The following RGS5 variants were observed in gnomAD, a reference collection of about 807,000 sequenced individuals.
RGS5 encodes regulator of G-protein signalling 5.
In RGS5, 20 loss-of-function variants were observed where a neutral mutation model predicts 18.9. That is an observed-to-expected ratio of 1.06 (90% CI 0.74 to 1.54). The LOEUF (loss-of-function observed/expected upper bound fraction) is 1.54. Among genes scored for constraint, RGS5 ranks in the 40% most tolerant of loss-of-function variants. RGS5 has a pLI of 0.00. For synonymous variants in RGS5, 57 were observed against 76.2 expected, an observed-to-expected ratio of 0.75 and a Z score of 1.31; for missense variants, 201 against 211.8, an observed-to-expected ratio of 0.95 and a Z score of 0.32.
At chr1:163,191,757 T>C (rs1045315548) in intron 1 of RGS5, among the ~76,000 whole-genome samples, 5 of 152,192 alleles carry the variant, frequency 3.3e-5, no homozygotes, top group Non-Finnish European at 5.9e-5. Context: ...GACCACGTTT[T>C]GCTCTAATGA....
Position 163,252,564 on chromosome 1 carries a change from G to T in RGS5, c.-281+53669C>A, listed in dbSNP as rs892208463. ...CTTGAAAATGTTCTAGAAAGTTCTT[G>T]ACTTTTACTCCCAACATCAAGTGTT... On this transcript the variant is annotated intron_variant, in intron 2 of 5. Coordinates refer to the RGS5 transcript ENST00000618415. Among the ~76,000 whole-genome samples, 9 of 152,200 alleles carry T rather than the reference G, an allele frequency of 5.9e-5. No homozygotes were observed. The East Asian group carries it at 1.7e-3, about 29-fold the overall frequency.
chr1:163,233,414 T>A (rs910327916), intron 2 of RGS5, among the ~76,000 whole-genome samples: 2 of 152,250 alleles, frequency 1.3e-5, no homozygotes, highest in Non-Finnish European at 2.9e-5. Context: ...AGCTTTCCCA[T>A]TCATTGAGGA....
At chr1:163,264,048 A>G (rs1185175381) in intron 2 of RGS5, among the ~76,000 whole-genome samples, 1 of 151,922 alleles carries the variant, frequency 6.6e-6, no homozygotes, top group Admixed American at 6.6e-5. Flanking sequence ...TTTGGCACAA[A>G]CTGGGGGAAA....
chr1:163,173,875 A>G (rs1571239712), intron 1 of RGS5, among the ~76,000 whole-genome samples: 1 of 152,108 alleles, frequency 6.6e-6, no homozygotes, highest in Admixed American at 6.6e-5. Context: ...CGCATTCAAG[A>G]CCAGCCTGGC....
intron 3 of RGS5, among the ~76,000 whole-genome samples, chr1:163,155,903 T>A (rs1657562028): frequency 6.6e-6 from 1 of 152,166 alleles, no homozygotes; most frequent in Admixed American, 6.5e-5. Context: ...CACTCCAGGT[T>A]GTAATCTACA....
intron 2 of RGS5, among the ~76,000 whole-genome samples, chr1:163,259,253 G>A (rs111513723): frequency 1.1e-4 from 17 of 151,978 alleles, no homozygotes; most frequent in African/African-American, 4.1e-4. Flanking sequence ...CCGGGTTCAT[G>A]CCATTCTCCT....
intron 1 of RGS5, among the ~76,000 whole-genome samples, chr1:163,201,147 C>T (rs939223124): frequency 1.3e-5 from 2 of 152,144 alleles, no homozygotes; most frequent in Non-Finnish European, 1.5e-5. Context: ...TTATTCACTA[C>T]ATAAGAGTAC....
At chr1:163,202,299 C>T (rs1165971560) in intron 1 of RGS5, among the ~76,000 whole-genome samples, 4 of 152,094 alleles carry the variant, frequency 2.6e-5, no homozygotes. Context: ...GTTCTGAGTG[C>T]TTCATATATA....
intron 2 of RGS5, among the ~76,000 whole-genome samples, chr1:163,277,786 A>C (rs1302736559): frequency 6.6e-6 from 1 of 152,186 alleles, no homozygotes; most frequent in East Asian, 1.9e-4. Flanking sequence ...CAAGGAAACA[A>C]TTCATGATCC....
chr1:163,169,792 ATTAT>A (rs1364400965), intron 1 of RGS5, among the ~76,000 whole-genome samples: 2 of 152,082 alleles, frequency 1.3e-5, no homozygotes, highest in African/African-American at 4.8e-5. Flanking sequence ...ATTCCACTTG[ATTAT>A]TTATTTCTCT....
intron 2 of RGS5, chr1:163,238,987 A>T (rs1647712167): frequency 4.6e-6 from 1 of 217,700 alleles, no homozygotes; most frequent in Admixed American, 4.4e-5. Context: ...AGACTTCATT[A>T]TAGGTTCCAG....
intron 2 of RGS5, among the ~76,000 whole-genome samples, chr1:163,292,920 C>T (rs1323605102): frequency 6.6e-6 from 1 of 152,056 alleles, no homozygotes; most frequent in Non-Finnish European, 1.5e-5. Context: ...GATATTAGAC[C>T]TTTGTCGAAT....
Position 163,279,218 on chromosome 1 carries a change from C to T in RGS5, c.-281+27015G>A, listed in dbSNP as rs574805289. Reference sequence around the variant, plus strand: ...CTCTTCCTCCAACAGCTGCAGAATACACATCCTTCTCATCAGCACATGGAA... The same window carrying T: ...CTCTTCCTCCAACAGCTGCAGAATATACATCCTTCTCATCAGCACATGGAA... On this transcript the variant is annotated intron_variant, in intron 2 of 5. Transcript: ENST00000618415. Among the ~76,000 whole-genome samples, 333 of 152,176 alleles carry T rather than the reference C, an allele frequency of 2.2e-3. 1 individual carries two copies. Among genetic ancestry groups the T allele is most frequent in the African/African-American group, 7.9e-3 (327 of 41,560 alleles).
chr1:163,158,537 G>T (rs1403847736), intron 3 of RGS5, among the ~76,000 whole-genome samples: 1 of 152,144 alleles, frequency 6.6e-6, no homozygotes, highest in Admixed American at 6.5e-5. Context: ...GTCCAGGGGA[G>T]ACATCACTTG....
At chr1:163,249,608 T>C (rs930626742) in intron 2 of RGS5, among the ~76,000 whole-genome samples, 4 of 152,204 alleles carry the variant, frequency 2.6e-5, no homozygotes, top group African/African-American at 9.6e-5. Context: ...GTGGCCAGCA[T>C]GGCGAAACCC....
intron 3 of RGS5, among the ~76,000 whole-genome samples, chr1:163,157,892 G>T (rs1657651723): frequency 6.6e-6 from 1 of 151,964 alleles, no homozygotes; most frequent in Non-Finnish European, 1.5e-5. Context: ...TGCCCAGACT[G>T]GTCTTGAACT....
At chr1:163,195,054 G>C (rs1571274688) in intron 1 of RGS5, among the ~76,000 whole-genome samples, 1 of 152,098 alleles carries the variant, frequency 6.6e-6, no homozygotes, top group African/African-American at 2.4e-5. Context: ...ACTAAAAGTA[G>C]AACTACCATT....
At chr1:163,155,806 C>T (rs547600035) in intron 3 of RGS5, among the ~76,000 whole-genome samples, 2 of 152,216 alleles carry the variant, frequency 1.3e-5, no homozygotes, top group East Asian at 1.9e-4. Context: ...CTGCACAGAG[C>T]GTCGGAGTAC....
intron 2 of RGS5, among the ~76,000 whole-genome samples, chr1:163,243,126 T>C (rs1476253073): frequency 6.6e-6 from 1 of 152,038 alleles, no homozygotes; most frequent in Non-Finnish European, 1.5e-5. Context: ...AATGAATGAG[T>C]TCATGTCCTT....
Sources: allele counts gnomAD v4.1 joint callset (sites outside exome capture counted in the v4.1 genomes callset), GRCh38; gene constraint gnomAD v4.1.1; transcripts MANE v1.5; gene names NCBI Gene and HGNC (gene_info 2026-07-23, HGNC 2026-07-21).